ADCY5: variants seen among roughly 807,000 people sequenced by gnomAD.
The protein encoded by ADCY5 is adenylate cyclase 5, also known as adenylate cyclase type 5.
In ADCY5, 30 loss-of-function variants were observed where a neutral mutation model predicts 119.7. That is an observed-to-expected ratio of 0.25 (90% CI 0.19 to 0.34). The LOEUF is 0.34. Ranked by LOEUF, ADCY5 falls within the 10% of genes least tolerant of loss-of-function variation. ADCY5 has a pLI of 1.00. For missense variants in ADCY5, 1,324 were observed against 1,775.2 expected (o/e 0.75, Z 4.57); for synonymous variants, 753 against 762.2 (o/e 0.99, Z 0.20).
chr3:123,325,819 C>T (rs540796550), intron 7 of ADCY5, among the ~76,000 whole-genome samples: 1 of 152,370 alleles, frequency 6.6e-6, no homozygotes, highest in African/African-American at 2.4e-5. Context: ...CTCTGGATGG[C>T]CTAGGCTCCG....
At chr3:123,438,371 T>C (rs534746905) in intron 1 of ADCY5, among the ~76,000 whole-genome samples, 2 of 152,146 alleles carry the variant, frequency 1.3e-5, no homozygotes, top group Non-Finnish European at 2.9e-5. Flanking sequence ...TGTAAAATAG[T>C]CCCCCTCTAA....
At chr3:123,397,344 C>T (rs1944629732) in intron 1 of ADCY5, among the ~76,000 whole-genome samples, 1 of 152,246 alleles carries the variant, frequency 6.6e-6, no homozygotes. Flanking sequence ...AGCCCTTAAT[C>T]ACCATGGCTG....
chr3:123,326,299 ATCTG>A (rs375570863), intron 7 of ADCY5, among the ~76,000 whole-genome samples: 40 of 152,312 alleles, frequency 2.6e-4, no homozygotes, highest in African/African-American at 7.2e-4. Flanking sequence ...GATCTCATCT[ATCTG>A]TCTGTCTGTC....
At chr3:123,331,947 G>A (rs1052192507) in intron 4 of ADCY5, among the ~76,000 whole-genome samples, 2 of 152,144 alleles carry the variant, frequency 1.3e-5, no homozygotes, top group Admixed American at 6.5e-5. Flanking sequence ...GTGTCCACCC[G>A]TCAGTGGCCA....
intron 14 of ADCY5, among the ~76,000 whole-genome samples, chr3:123,302,492 T>C (rs1939904601): frequency 6.6e-6 from 1 of 152,150 alleles, no homozygotes; most frequent in African/African-American, 2.4e-5. Flanking sequence ...TGGGACTGGG[T>C]TCCTTTGCTC....
chr3:123,297,884 G>A lies in ADCY5; in HGVS notation c.2901-502C>T, dbSNP rs184279875. On this transcript the variant is annotated intron_variant, in intron 15 of 20. Coordinates refer to ENST00000462833, the MANE Select transcript of ADCY5 (RefSeq NM_183357.3). ...AATATTTCATTAAGAATTTTATATCGATTATATCTTAAAATGATATTTTGG... is the reference window on the plus strand; with the variant it reads ...AATATTTCATTAAGAATTTTATATCAATTATATCTTAAAATGATATTTTGG... Among the ~76,000 whole-genome samples the A allele has an allele frequency of 2.9e-3, 435 of 152,250 alleles. 5 individuals carry two copies. Among genetic ancestry groups the A allele is most frequent in the Non-Finnish European group, 4.7e-3 (321 of 68,030 alleles).
chr3:123,345,769 G>GACAGACACAC (rs57198270), intron 3 of ADCY5, among the ~76,000 whole-genome samples: 2 of 113,762 alleles, frequency 1.8e-5, no homozygotes, highest in African/African-American at 7.9e-5. Context: ...CAGACAGACA[G>GACAGACACAC]ACACACACAC....
Position 123,447,422 on chromosome 3 carries a change from A to G in ADCY5, c.1124T>C (p.Leu375Pro), listed in dbSNP as rs1945839520. The change falls in exon 1 of 21, where the codon CTG becomes CCG. Residue 375 changes from leucine to proline, a missense_variant. Around this residue, in one of 6 missense-constraint regions of ADCY5, gnomAD observed 585 missense variants for 569.9 expected, o/e 1.03. Transcript: ENST00000462833. ...ALRTNAQDQF[L>P]LKQLVSNVLI... is the part of the protein sequence containing the mutation. ...CAGGTCGGCCCCTACCTGCTTCAGC[A>G]GGAACTGGTCCTGGGCGTTGGTGCG... The G allele has an allele frequency of 6.3e-7, 1 of 1,579,864 alleles. No homozygotes were observed. Among genetic ancestry groups the G allele is most frequent in the East Asian group, 2.3e-5 (1 of 44,120 alleles).
At chr3:123,361,757 A>G (rs1943258051) in intron 1 of ADCY5, among the ~76,000 whole-genome samples, 1 of 152,176 alleles carries the variant, frequency 6.6e-6, no homozygotes, top group Admixed American at 6.5e-5. Flanking sequence ...TATCTTGGAG[A>G]TGGTACACAA....
chr3:123,315,156 AGTGG>A (rs1940843889), intron 11 of ADCY5, among the ~76,000 whole-genome samples: 1 of 152,194 alleles, frequency 6.6e-6, no homozygotes, highest in African/African-American at 2.4e-5. Flanking sequence ...AGGGAGGAAG[AGTGG>A]CCTGACGAGG....
intron 1 of ADCY5, among the ~76,000 whole-genome samples, chr3:123,444,112 C>A (rs1236692700): frequency 2.0e-5 from 3 of 152,184 alleles, no homozygotes; most frequent in East Asian, 1.9e-4. Context: ...GTTGCCATGG[C>A]AACAGGCTCC....
At chr3:123,404,896 A>G (rs985627615) in intron 1 of ADCY5, among the ~76,000 whole-genome samples, 1 of 152,208 alleles carries the variant, frequency 6.6e-6, no homozygotes, top group Non-Finnish European at 1.5e-5. Context: ...CTATCTATTC[A>G]GACCCCATCT....
chr3:123,392,612 C>G (rs984419509), intron 1 of ADCY5, among the ~76,000 whole-genome samples: 4 of 152,236 alleles, frequency 2.6e-5, no homozygotes, highest in Non-Finnish European at 4.4e-5. Flanking sequence ...AAGCTGGAGT[C>G]TGAATCCAGG....
chr3:123,433,666 G>A (rs376191161), intron 1 of ADCY5, among the ~76,000 whole-genome samples: 1 of 152,166 alleles, frequency 6.6e-6, no homozygotes, highest in East Asian at 1.9e-4. Context: ...ACCAAGCTTC[G>A]TATCTACTGA....
chr3:123,317,258 G>T (rs1940961709), intron 11 of ADCY5, among the ~76,000 whole-genome samples: 1 of 151,990 alleles, frequency 6.6e-6, no homozygotes, highest in Admixed American at 6.6e-5. Flanking sequence ...ACACCTCTTT[G>T]TGAAATACCT....
intron 1 of ADCY5, among the ~76,000 whole-genome samples, chr3:123,396,849 A>C: frequency 6.7e-6 from 1 of 149,842 alleles, no homozygotes; most frequent in Admixed American, 6.6e-5. Flanking sequence ...AGAGACAGAG[A>C]ACCCATATCC....
At position 123,297,388 on chromosome 3, in the gene ADCY5, A is replaced by G; in HGVS notation, c.2901-6T>C. The G allele has an allele frequency of 6.2e-7, 1 of 1,613,948 alleles. No individual in the cohort carries two copies. The highest frequency in any genetic ancestry group is 8.5e-7 in the Non-Finnish European group (1 of 1,179,944). Reference sequence around the variant, plus strand: ...TCCCGTTGTTGAAGAAGTCTCTGTGAAGAGAGTTGGGGAAGACTGGTCAGG... The same window carrying G: ...TCCCGTTGTTGAAGAAGTCTCTGTGGAGAGAGTTGGGGAAGACTGGTCAGG... On this transcript the variant is annotated splice_region_variant and splice_polypyrimidine_tract_variant and intron_variant, in intron 15 of 20. Transcript: ENST00000462833.
At chr3:123,442,191 C>T (rs1217339528) in intron 1 of ADCY5, among the ~76,000 whole-genome samples, 1 of 152,164 alleles carries the variant, frequency 6.6e-6, no homozygotes, top group Non-Finnish European at 1.5e-5. Flanking sequence ...TCTTTCTCAA[C>T]ACAGGCTACA....
intron 1 of ADCY5, among the ~76,000 whole-genome samples, chr3:123,422,837 G>C (rs1945327168): frequency 6.6e-6 from 1 of 152,236 alleles, no homozygotes; most frequent in South Asian, 2.1e-4. Flanking sequence ...TCAGGGGAGG[G>C]GGCAAGCATG....
Sources: allele counts gnomAD v4.1 joint callset (sites outside exome capture counted in the v4.1 genomes callset), GRCh38; gene constraint gnomAD v4.1.1; regional missense constraint gnomAD v4.1.1; transcripts MANE v1.5; gene names NCBI Gene and HGNC (gene_info 2026-07-23, HGNC 2026-07-21).